ADCY9: variants seen among roughly 807,000 people sequenced by gnomAD.
ADCY9 encodes adenylate cyclase type 9.
A neutral mutation model predicts 101.5 loss-of-function variants in ADCY9; 50 were observed. The observed-to-expected ratio is 0.49, with a 90% CI of 0.39 to 0.62. The LOEUF (loss-of-function observed/expected upper bound fraction) is 0.62, where lower values mean the gene tolerates loss of function less well. Among genes scored for constraint, ADCY9 ranks in the 20% least tolerant of loss-of-function variants. ADCY9 has a pLI of 0.00. For missense variants in ADCY9, 1,662 were observed against 1,800.4 expected (o/e 0.92, Z 1.39); for synonymous variants, 905 against 769.3 (o/e 1.18, Z -2.92).
At chr16:3,980,538 A>G (rs1473576078) in intron 7 of ADCY9, among the ~76,000 whole-genome samples, 3 of 152,118 alleles carry the variant, frequency 2.0e-5, no homozygotes, top group Non-Finnish European at 4.4e-5. Flanking sequence ...ACAGCAAAAA[A>G]GCCTCTGGCA....
chr16:3,999,900 G>C (rs1219095021), intron 3 of ADCY9, among the ~76,000 whole-genome samples: 3 of 152,116 alleles, frequency 2.0e-5, no homozygotes, highest in Non-Finnish European at 4.4e-5. Context: ...TTTTCTTCAA[G>C]GTTATTTCTC....
chr16:3,959,877 T>G (rs2055928714), downstream of ADCY9, among the ~76,000 whole-genome samples: 1 of 151,686 alleles, frequency 6.6e-6, no homozygotes, highest in Non-Finnish European at 1.5e-5. Context: ...AATCCAAAAT[T>G]TAGCTAGGCG....
chr16:4,084,213 G>C (rs374313701), intron 2 of ADCY9, among the ~76,000 whole-genome samples: 1 of 152,104 alleles, frequency 6.6e-6, no homozygotes, highest in Non-Finnish European at 1.5e-5. Context: ...CTGGGTTCAA[G>C]TGATTCTCCT....
At chr16:3,980,955 G>A (rs187147927) in intron 7 of ADCY9, among the ~76,000 whole-genome samples, 14 of 152,290 alleles carry the variant, frequency 9.2e-5, no homozygotes, top group Admixed American at 4.6e-4. Context: ...GGCAACGGGC[G>A]GGGCCTGGGC....
At chr16:4,082,695 T>C (rs1411093979) in intron 2 of ADCY9, among the ~76,000 whole-genome samples, 1 of 122,366 alleles carries the variant, frequency 8.2e-6, no homozygotes, top group Non-Finnish European at 1.6e-5. Context: ...CATGCACACA[T>C]ATATGCACAC....
At chr16:4,092,473 G>A (rs754396665) in intron 2 of ADCY9, among the ~76,000 whole-genome samples, 4 of 152,144 alleles carry the variant, frequency 2.6e-5, no homozygotes, top group African/African-American at 7.2e-5. Flanking sequence ...TTAGCTTACA[G>A]TATAACTAGT....
chr16:4,023,189 C>G (rs2056489817), intron 2 of ADCY9, among the ~76,000 whole-genome samples: 1 of 152,186 alleles, frequency 6.6e-6, no homozygotes, highest in African/African-American at 2.4e-5. Context: ...TATGGGAGCA[C>G]CCGCTGCAGG....
chr16:3,990,267 A>T (rs559008014), intron 5 of ADCY9, among the ~76,000 whole-genome samples: 56 of 152,186 alleles, frequency 3.7e-4, no homozygotes, highest in African/African-American at 1.3e-3. Flanking sequence ...GGAGCTCGGG[A>T]CCAGCCTGGC....
intron 2 of ADCY9, among the ~76,000 whole-genome samples, chr16:4,025,444 A>C (rs2056508310): frequency 6.6e-6 from 1 of 151,644 alleles, no homozygotes; most frequent in Non-Finnish European, 1.5e-5. Flanking sequence ...TAGCAAAGCC[A>C]GCCTGGGTTT....
intron 2 of ADCY9, among the ~76,000 whole-genome samples, chr16:4,107,034 C>T (rs1466860139): frequency 1.3e-5 from 2 of 152,190 alleles, no homozygotes; most frequent in Non-Finnish European, 2.9e-5. Context: ...GTTACTTCTA[C>T]TCGAAAGCTT....
In ADCY9 at chr16:4,114,750, G is replaced by C. The variant is rs753349786; in HGVS notation, c.693C>G (p.Leu231=). 6 of 1,613,062 alleles carry C rather than the reference G, an allele frequency of 3.7e-6. No homozygotes were observed. Among genetic ancestry groups the C allele is most frequent in the East Asian group, 4.5e-5 (2 of 44,902 alleles). The change falls in exon 2 of 11, where the codon CTC becomes CTG. Residue 231 remains leucine (L), a synonymous_variant. Transcript: ENST00000294016. This position sits in a 1 kb window ranked among gnomAD's most constrained non-coding sequence, Gnocchi z 4.3. ...VGSFSMCIEV[L]FLLYTVMHLP... Reference sequence around the variant, plus strand: ...AGTGCATGACGGTATAGAGCAAAAAGAGCACTTCGATGCACATGGAGAAGC... The same window carrying C: ...AGTGCATGACGGTATAGAGCAAAAACAGCACTTCGATGCACATGGAGAAGC...
At chr16:3,979,968 C>G (rs1039719519) in intron 7 of ADCY9, among the ~76,000 whole-genome samples, 2 of 72,108 alleles carry the variant, frequency 2.8e-5, no homozygotes, top group African/African-American at 6.6e-5. Flanking sequence ...ACAGTGGTCT[C>G]TGCTGTTTGG....
chr16:4,076,224 A>C (rs1392901207), intron 2 of ADCY9, among the ~76,000 whole-genome samples: 1 of 152,194 alleles, frequency 6.6e-6, no homozygotes, highest in African/African-American at 2.4e-5. Context: ...AAAATGCAAA[A>C]CAAAATTAGT....
intron 10 of ADCY9, among the ~76,000 whole-genome samples, chr16:3,969,569 A>AAAATATATAT (rs2056029345): frequency 2.2e-5 from 1 of 45,228 alleles, no homozygotes; most frequent in Non-Finnish European, 4.4e-5. Context: ...GTTTGTTTGA[A>AAAATATATAT]ATATATATAT....
At position 4,114,131 on chromosome 16, in the gene ADCY9, T is replaced by C; in HGVS notation, c.1312A>G (p.Ile438Val). The change falls in exon 2 of 11, where the codon ATC becomes GTC. Residue 438 changes from isoleucine (I) to valine (V), a missense_variant. By Grantham distance (29) the Ile-to-Val change is conservative (BLOSUM62 3). This residue lies in a region of ADCY9 where 228 missense variants were observed against 301.1 expected (regional missense o/e 0.76). Transcript: ENST00000294016. This position sits in a 1 kb window ranked among gnomAD's most constrained non-coding sequence, Gnocchi z 4.3. ...TAGTAACAGTCTCCCAGGGTGCTGATTTTCTCACACTTGGTCTCCTCACAC... is the reference window on the plus strand; with the variant it reads ...TAGTAACAGTCTCCCAGGGTGCTGACTTTCTCACACTTGGTCTCCTCACAC... ...RLCEETKCEK[I>V]STLGDCYYCV... The C allele has an allele frequency of 6.2e-7, 1 of 1,613,798 alleles. No individual in the cohort carries two copies.
chr16:4,047,897 C>T (rs562443773), intron 2 of ADCY9, among the ~76,000 whole-genome samples: 154 of 152,338 alleles, frequency 1.0e-3, no homozygotes, highest in African/African-American at 3.5e-3. Flanking sequence ...CTAACTTGCC[C>T]TGAACCCTCC....
chr16:4,051,386 T>C (rs1048944364), intron 2 of ADCY9, among the ~76,000 whole-genome samples: 2 of 151,778 alleles, frequency 1.3e-5, no homozygotes, highest in Non-Finnish European at 2.9e-5. Flanking sequence ...TAGCCGGGCG[T>C]GGTGGCGGGC....
At chr16:4,082,688 GCA>G (rs1403623458) in intron 2 of ADCY9, among the ~76,000 whole-genome samples, 1 of 139,444 alleles carries the variant, frequency 7.2e-6, no homozygotes, top group African/African-American at 2.9e-5. Flanking sequence ...ATGCATGCAT[GCA>G]CACATATATG....
rs931694090 is a variant in ADCY9 at position 4,087,365 on chromosome 16, T to C, written c.1693+26385A>G. Among the ~76,000 whole-genome samples the C allele has an allele frequency of 2.5e-4, 38 of 151,638 alleles. 1 individual carries two copies. The highest frequency in any genetic ancestry group is 2.2e-3 in the Admixed American group (33 of 15,196). On this transcript the variant is annotated intron_variant, in intron 2 of 10. Transcript: ENST00000294016. ...GCCTGGCCAACACAGCAAAACCCTGTCTCTATTAAAAATACAAAAAATTAG... is the reference window on the plus strand; with the variant it reads ...GCCTGGCCAACACAGCAAAACCCTGCCTCTATTAAAAATACAAAAAATTAG...
Sources: gnomAD v4.1 joint callset for allele counts (sites outside exome capture counted in the v4.1 genomes callset) on GRCh38, gnomAD v4.1.1 for gene constraint, gnomAD v4.1.1 regional missense constraint, Gnocchi (gnomAD v3.1) non-coding constraint, MANE v1.5 for transcripts, NCBI Gene and HGNC (gene_info 2026-07-23, HGNC 2026-07-21) for gene names.